Variants in LPIN3 observed in about 807,000 individuals in gnomAD.
LPIN3 encodes lipin 3, also known as phosphatidate phosphatase LPIN3.
Under a neutral mutation model 94.7 loss-of-function variants are expected in LPIN3, and 82 were observed. The observed-to-expected ratio is 0.87, with a 90% CI of 0.72 to 1.04. The LOEUF (loss-of-function observed/expected upper bound fraction) is 1.04. Ranked by LOEUF, LPIN3 falls within the 50% of genes least tolerant of loss-of-function variation. LPIN3 has a pLI of 0.00. For missense variants in LPIN3, 996 were observed against 1,090.5 expected, an observed-to-expected ratio of 0.91 and a Z score of 1.22; for synonymous variants, 418 against 443.3, an observed-to-expected ratio of 0.94 and a Z score of 0.72.
At chr20:41,355,838 C>T in intron 13 of LPIN3, 58 bp from the exon 14 acceptor site, 3 of 1,600,320 alleles carry the variant, frequency 1.9e-6, no homozygotes, top group Non-Finnish European at 2.6e-6. Context: ...TTGGCATCTC[C>T]CGGGAGTGAA....
At chr20:41,358,201 TG>T in intron 17 of LPIN3, 35 bp from the exon 18 acceptor site, 1 of 1,606,936 alleles carries the variant, frequency 6.2e-7, no homozygotes, top group East Asian at 2.2e-5. Context: ...TTCCCTACTT[TG>T]GCCCCCTTCC....
At chr20:41,341,834 G>A (rs960637943) in intron 1 of LPIN3, among the ~76,000 whole-genome samples, 5 of 152,088 alleles carry the variant, frequency 3.3e-5, no homozygotes, top group African/African-American at 7.2e-5. Flanking sequence ...AAAATTAGCC[G>A]GGTGTGGTGG....
chr20:41,355,014 G>A (rs1032684416), intron 13 of LPIN3, 151 bp downstream of exon 13: 23 of 753,656 alleles, frequency 3.1e-5, no homozygotes, highest in Non-Finnish European at 4.6e-5. Context: ...TTCTTTTTTT[G>A]TTGTTTTTGT....
chr20:41,359,040 G>T lies in LPIN3; in HGVS notation c.*174G>T. ...CCCCCATCTTCCCCGTCATATTTTT[G>T]CCAGCTAAGCTGCAGCTGCTCCAGG... is the stretch of plus-strand genomic sequence containing the variant. On this transcript the variant is annotated 3_prime_UTR_variant, in exon 20 of 20. Transcript: ENST00000373257. 1 of 716,184 alleles carries T rather than the reference G, an allele frequency of 1.4e-6. No homozygotes were observed. The highest frequency in any genetic ancestry group is 2.2e-6 in the Non-Finnish European group (1 of 447,496). 44.4% of individuals were successfully genotyped at this position (716,184 alleles called of 1,614,324 possible). A position where few individuals can be genotyped will look rare whatever the true frequency, so the allele number is the denominator to read the frequency against.
chr20:41,358,469 C>A lies in LPIN3; in HGVS notation c.2338C>A (p.Pro780Thr). 1.2e-6 allele frequency: 2 copies of A among 1,614,092 alleles called. No homozygotes were observed. Among genetic ancestry groups the A allele is most frequent in the Non-Finnish European group, 1.7e-6 (2 of 1,180,026 alleles). Residue 780 changes from proline to threonine, a missense_variant, in exon 19 of 20, where the codon CCT (proline) becomes ACT (threonine). By Grantham distance (38) the Pro-to-Thr change is conservative (BLOSUM62 -1). Transcript: ENST00000373257. Reference sequence around the variant, plus strand: ...CTTTGCCTACCGGCAGGTGGGCCTGCCTGAGTCACGCATCTTCACAGTCAA... The same window carrying A: ...CTTTGCCTACCGGCAGGTGGGCCTGACTGAGTCACGCATCTTCACAGTCAA... ...DVFAYRQVGL[P>T]ESRIFTVNPR...
chr20:41,342,239 C>A (rs1244255370), intron 1 of LPIN3, among the ~76,000 whole-genome samples: 1 of 152,238 alleles, frequency 6.6e-6, no homozygotes, highest in Non-Finnish European at 1.5e-5. Context: ...CCCATGGTCA[C>A]AGCTAGCAAA....
At chr20:41,343,208 T>C (rs79070826) in intron 1 of LPIN3, among the ~76,000 whole-genome samples, 5,888 of 152,124 alleles carry the variant, frequency 0.039, 137 homozygotes, top group East Asian at 0.058. Context: ...TAGGGCTTAA[T>C]AGGGCAGAAA....
At chr20:41,350,025 C>T (rs1379666904) in intron 6 of LPIN3, 30 bp from the exon 7 acceptor site, 1 of 1,569,576 alleles carries the variant, frequency 6.4e-7, no homozygotes, top group African/African-American at 1.4e-5. Context: ...TTACCCTGGC[C>T]CACATCTTCC....
chr20:41,351,619 G>A (rs1038665479), intron 7 of LPIN3, among the ~76,000 whole-genome samples: 9 of 152,082 alleles, frequency 5.9e-5, no homozygotes, highest in Non-Finnish European at 1.3e-4. Flanking sequence ...TCTGTCACAC[G>A]GTGATCACAT....
At position 41,348,631 on chromosome 20, in the gene LPIN3, C is replaced by A. The variant is rs756682096; in HGVS notation, c.301C>A (p.Pro101Thr). 1.2e-6 allele frequency: 2 copies of A among 1,610,348 alleles called. No homozygotes were observed. Among genetic ancestry groups the A allele is most frequent in the African/African-American group, 2.7e-5 (2 of 74,878 alleles). ...GTCTGTTCCACAGGAACATGTGCCT[C>A]CCGGCCTGTGCACCTCACCCATCCC... ...ELESDDEHVP[P>T]GLCTSPIPWG... Residue 101 changes from proline to threonine, a missense_variant, in exon 4 of 20, where the codon CCC (proline) becomes ACC (threonine). Pro to Thr is a conservative substitution (Grantham distance 38). Coordinates refer to ENST00000373257, the MANE Select transcript of LPIN3 (RefSeq NM_022896.3).
At chr20:41,352,775 G>A (rs988179796) in intron 10 of LPIN3, 23 bp from the exon 11 acceptor site, 2 of 1,613,758 alleles carry the variant, frequency 1.2e-6, no homozygotes, top group Non-Finnish European at 1.7e-6. Flanking sequence ...GCTGCAGCTT[G>A]ATGCCCTGTT....
chr20:41,350,918 C>CA (rs2045985606), intron 7 of LPIN3, among the ~76,000 whole-genome samples: 1 of 152,072 alleles, frequency 6.6e-6, no homozygotes, highest in Non-Finnish European at 1.5e-5. Context: ...CTGTGCTGTC[C>CA]AAATCAGTAG....
chr20:41,347,693 T>C, intron 3 of LPIN3, 46 bp downstream of exon 3: 1 of 1,517,012 alleles, frequency 6.6e-7, no homozygotes, highest in Non-Finnish European at 9.0e-7. Context: ...ACCCCTTTCC[T>C]GTGCCTCTTC....
chr20:41,345,463 G>A (rs948705988), intron 1 of LPIN3, among the ~76,000 whole-genome samples: 2 of 152,220 alleles, frequency 1.3e-5, no homozygotes, highest in African/African-American at 2.4e-5. Context: ...CCGTACCCAC[G>A]GAACACTGTG....
intron 16 of LPIN3, 86 bp from the exon 17 acceptor site, chr20:41,357,796 T>C (rs1400096218): frequency 1.3e-6 from 2 of 1,552,280 alleles, no homozygotes; most frequent in Non-Finnish European, 1.8e-6. Flanking sequence ...AGTCCCACAG[T>C]TGGGCTGGGC....
intron 17 of LPIN3, 85 bp from the exon 18 acceptor site, chr20:41,358,152 G>A (rs1365462648): frequency 6.3e-7 from 1 of 1,579,538 alleles, no homozygotes; most frequent in African/African-American, 1.3e-5. Flanking sequence ...GGTGGGGTCA[G>A]ACCCCCCATC....
Position 41,359,123 on chromosome 20 carries a change from CTTTTTTTTT to C in LPIN3, c.*274_*282del, listed in dbSNP as rs75257468. On this transcript the variant is annotated 3_prime_UTR_variant, in exon 20 of 20. Transcript: ENST00000373257. ...TTGTCATCTGGGCCCTTGCAGGGTT[CTTTTTTTTT>C]TTTTTTTTTTTTTTTTCCTGAGACA... The C allele has an allele frequency of 1.3e-5, 1 of 76,172 alleles. No homozygotes were observed. Among genetic ancestry groups the C allele is most frequent in the South Asian group, 4.4e-4 (1 of 2,262 alleles). 4.7% of individuals were successfully genotyped at this position (76,172 alleles called of 1,614,324 possible).
intron 1 of LPIN3, among the ~76,000 whole-genome samples, chr20:41,344,249 C>T (rs2045691276): frequency 1.3e-5 from 2 of 152,198 alleles, no homozygotes; most frequent in African/African-American, 4.8e-5. Flanking sequence ...ATGGGCCATG[C>T]AACCAACTCT....
chr20:41,354,790 G>A (rs1164826282), intron 12 of LPIN3, 30 bp from the exon 13 acceptor site: 24 of 1,612,642 alleles, frequency 1.5e-5, no homozygotes, highest in South Asian at 2.2e-5. Flanking sequence ...GGCGGGAGGT[G>A]GGATTCACTA....
Sources: gnomAD v4.1 joint callset for allele counts (sites outside exome capture counted in the v4.1 genomes callset) on GRCh38, gnomAD v4.1.1 for gene constraint, MANE v1.5 for transcripts, NCBI Gene and HGNC (gene_info 2026-07-23, HGNC 2026-07-21) for gene names.